Variants in COL19A1 observed in about 807,000 individuals in gnomAD.
The protein encoded by COL19A1 is collagen alpha-1(XIX) chain.
In COL19A1, 159 loss-of-function variants were observed where a neutral mutation model predicts 190.2. The observed-to-expected ratio is 0.84, with a 90% CI of 0.73 to 0.95. COL19A1 has a LOEUF of 0.95. Among genes scored for constraint, COL19A1 ranks in the 40% least tolerant of loss-of-function variants. The pLI is 0.00. For missense variants in COL19A1, 1,418 were observed against 1,431.9 expected (o/e 0.99, Z 0.16); for synonymous variants, 509 against 458.9 (o/e 1.11, Z -1.39).
intron 11 of COL19A1, among the ~76,000 whole-genome samples, chr6:69,984,303 G>T (rs1776201087): frequency 6.6e-6 from 1 of 152,002 alleles, no homozygotes; most frequent in Non-Finnish European, 1.5e-5. Flanking sequence ...GCCACTCTCT[G>T]ATGTCAATGA....
intron 16 of COL19A1, among the ~76,000 whole-genome samples, chr6:70,112,838 A>G (rs1308761584): frequency 6.6e-6 from 1 of 152,134 alleles, no homozygotes. Context: ...TATTCATACA[A>G]CCATAAACGG....
intron 15 of COL19A1, among the ~76,000 whole-genome samples, chr6:70,074,734 AT>A (rs1301059934): frequency 9.9e-5 from 15 of 150,816 alleles, no homozygotes; most frequent in African/African-American, 3.7e-4. Flanking sequence ...ATAGGAAGTA[AT>A]TTTGTTAGTT....
chr6:70,130,601 C>T (rs1187250176), intron 18 of COL19A1, among the ~76,000 whole-genome samples: 1 of 152,222 alleles, frequency 6.6e-6, no homozygotes, highest in African/African-American at 2.4e-5. Flanking sequence ...AGGGGGCAGC[C>T]CCCTGGCAGC....
intron 11 of COL19A1, among the ~76,000 whole-genome samples, chr6:70,003,710 G>T (rs547227277): frequency 5.9e-5 from 9 of 151,408 alleles, no homozygotes; most frequent in East Asian, 3.9e-4. Context: ...TCTTTTTGTT[G>T]CTTGCCATTT....
At chr6:69,887,936 T>C (rs1246593673) in intron 2 of COL19A1, among the ~76,000 whole-genome samples, 2 of 152,114 alleles carry the variant, frequency 1.3e-5, no homozygotes, top group Non-Finnish European at 2.9e-5. Context: ...GGCAGCCTGG[T>C]TGGAATTTCT....
chr6:70,151,376 G>C, intron 30 of COL19A1, 21 bp from the exon 31 acceptor site: 1 of 1,611,428 alleles, frequency 6.2e-7, no homozygotes, highest in Non-Finnish European at 8.5e-7. Context: ...CATGTATTTG[G>C]TTTTATCTTC....
chr6:70,137,837 TTG>T, intron 19 of COL19A1, 90 bp downstream of exon 19: 1 of 1,250,462 alleles, frequency 8.0e-7, no homozygotes, highest in Non-Finnish European at 1.2e-6. Context: ...TCCACGTGCC[TTG>T]GTTGATCCTG....
intron 14 of COL19A1, among the ~76,000 whole-genome samples, chr6:70,051,265 T>C (rs1780184452): frequency 6.6e-6 from 1 of 152,164 alleles, no homozygotes; most frequent in African/African-American, 2.4e-5. Flanking sequence ...GAGAAAGGAT[T>C]AGACTTACCA....
rs36112821 is a variant in COL19A1, at chr6:70,207,364, CTTTTTT to C, written c.*108_*113del. The C allele has an allele frequency of 1.0e-3, 184 of 177,930 alleles. No homozygotes were observed. The highest frequency in any genetic ancestry group is 3.2e-3 in the Middle Eastern group (1 of 312). The allele number at this position is 177,930 out of a possible 1,614,324, so 11.0% of individuals were successfully genotyped here. ...TCAAACCCTCATCATCTGTGGGTTG[CTTTTTT>C]TTTTTTTTTTTTTTTTTGGGAGTAA... On this transcript the variant is annotated 3_prime_UTR_variant, in exon 51 of 51. Coordinates refer to ENST00000620364, the MANE Select transcript of COL19A1 (RefSeq NM_001858.6).
At chr6:69,921,434 A>AC (rs1771856091) in intron 4 of COL19A1, among the ~76,000 whole-genome samples, 1 of 78,530 alleles carries the variant, frequency 1.3e-5, no homozygotes, top group African/African-American at 7.2e-5. Flanking sequence ...TATCATATAT[A>AC]TCATATATAT....
At chr6:70,072,450 A>G (rs1781615059) in intron 15 of COL19A1, among the ~76,000 whole-genome samples, 1 of 152,158 alleles carries the variant, frequency 6.6e-6, no homozygotes, top group South Asian at 2.1e-4. Context: ...TTGGACCAAG[A>G]TGACACCTCA....
intron 11 of COL19A1, among the ~76,000 whole-genome samples, chr6:69,979,695 C>G (rs909260947): frequency 8.6e-5 from 13 of 151,398 alleles, no homozygotes; most frequent in Admixed American, 5.3e-4. Flanking sequence ...TGAGTTGACT[C>G]TATAGGTAGA....
intron 21 of COL19A1, 46 bp from the exon 22 acceptor site, chr6:70,141,977 T>C (rs778458447): frequency 5.0e-6 from 8 of 1,610,774 alleles, no homozygotes; most frequent in Non-Finnish European, 3.4e-6. Context: ...AATGAGATTA[T>C]GAAAATTAAA....
At chr6:70,027,661 G>A (rs1394499790) in intron 12 of COL19A1, among the ~76,000 whole-genome samples, 1 of 151,924 alleles carries the variant, frequency 6.6e-6, no homozygotes, top group African/African-American at 2.4e-5. Context: ...GTCCATTCTA[G>A]TTTAAATAAT....
intron 9 of COL19A1, among the ~76,000 whole-genome samples, chr6:69,944,605 G>T (rs1773677600): frequency 6.6e-6 from 1 of 152,022 alleles, no homozygotes; most frequent in Non-Finnish European, 1.5e-5. Context: ...GCTTAGTATT[G>T]TCTAGGTAAT....
intron 11 of COL19A1, among the ~76,000 whole-genome samples, chr6:69,997,423 T>C (rs1382557736): frequency 3.3e-5 from 5 of 152,204 alleles, no homozygotes; most frequent in Admixed American, 6.6e-5. Context: ...GGGTCTCAGA[T>C]ACTGAATTTA....
rs536877095 is a variant in COL19A1, at chr6:70,059,999, A to C, written c.1171-8424A>C. On this transcript the variant is annotated intron_variant, in intron 14 of 50. Transcript: ENST00000620364. ...ATTAAGACTATGATTCTCTAACTGCACAAATTATATAAATCTGTAAAATAT... is the reference window on the plus strand; with the variant it reads ...ATTAAGACTATGATTCTCTAACTGCCCAAATTATATAAATCTGTAAAATAT... 8.5e-5 allele frequency among the ~76,000 whole-genome samples: 13 copies of C among 152,342 alleles called. No individual in the cohort carries two copies. The South Asian group carries it at 2.7e-3, about 32-fold the overall frequency.
At chr6:69,947,363 A>G (rs978999369) in intron 9 of COL19A1, among the ~76,000 whole-genome samples, 2 of 151,902 alleles carry the variant, frequency 1.3e-5, no homozygotes, top group African/African-American at 4.8e-5. Context: ...TCCAAACAAT[A>G]AATTCACTCA....
At chr6:70,096,181 G>A (rs1475867121) in intron 15 of COL19A1, among the ~76,000 whole-genome samples, 1 of 151,388 alleles carries the variant, frequency 6.6e-6, no homozygotes, top group Non-Finnish European at 1.5e-5. Flanking sequence ...TCCTGGGCTG[G>A]AGTGATCCTC....
Sources: gnomAD v4.1 joint callset for allele counts (sites outside exome capture counted in the v4.1 genomes callset) on GRCh38, gnomAD v4.1.1 for gene constraint, MANE v1.5 for transcripts, NCBI Gene and HGNC (gene_info 2026-07-23, HGNC 2026-07-21) for gene names.